The following ODAD2 variants were observed in gnomAD, a reference collection of about 807,000 sequenced individuals.
ODAD2 encodes outer dynein arm-docking complex subunit 2.
Under a neutral mutation model 106.8 loss-of-function variants are expected in ODAD2, and 89 were observed. That is an observed-to-expected ratio of 0.83 (90% CI 0.70 to 0.99). The LOEUF is 0.99. Among genes scored for constraint, ODAD2 ranks in the 50% least tolerant of loss-of-function variants. The pLI, the probability that ODAD2 is intolerant of heterozygous loss-of-function variation, is 0.00. For synonymous variants in ODAD2, 404 were observed against 436.2 expected (o/e 0.93, Z 0.92); for missense variants, 1,168 against 1,238.5 (o/e 0.94, Z 0.85).
chr10:27,955,206 A>G (rs1847636267), intron 10 of ODAD2, among the ~76,000 whole-genome samples: 1 of 152,204 alleles, frequency 6.6e-6, no homozygotes, highest in Non-Finnish European at 1.5e-5. Flanking sequence ...TTTTAACAAG[A>G]ATAACTCTGT....
chr10:27,941,164 G>A (rs904528404), intron 12 of ODAD2, among the ~76,000 whole-genome samples: 1 of 152,044 alleles, frequency 6.6e-6, no homozygotes, highest in South Asian at 2.1e-4. Context: ...TTTCTAAGGA[G>A]AACTGAATGG....
intron 19 of ODAD2, among the ~76,000 whole-genome samples, chr10:27,828,520 G>C (rs1221005024): frequency 1.3e-5 from 2 of 152,170 alleles, no homozygotes; most frequent in Admixed American, 1.3e-4. Flanking sequence ...GTGTGGGACA[G>C]GAAGTTGAGG....
At chr10:27,910,783 C>CA (rs781687456) in intron 16 of ODAD2, among the ~76,000 whole-genome samples, 1 of 151,644 alleles carries the variant, frequency 6.6e-6, no homozygotes, top group African/African-American at 2.4e-5. Flanking sequence ...AACAAACAAA[C>CA]AAAAAAACAG....
At chr10:27,918,810 A>T (rs1844571441) in intron 16 of ODAD2, among the ~76,000 whole-genome samples, 1 of 151,886 alleles carries the variant, frequency 6.6e-6, no homozygotes, top group Non-Finnish European at 1.5e-5. Flanking sequence ...TACAAAAAAA[A>T]TTGGAAAAAA....
chr10:27,911,446 A>C (rs760879162), intron 16 of ODAD2, among the ~76,000 whole-genome samples: 7 of 152,148 alleles, frequency 4.6e-5, no homozygotes, highest in Non-Finnish European at 1.0e-4. Flanking sequence ...ATGAGGACTG[A>C]CTGTATTTTA....
Position 27,860,841 on chromosome 10 carries a change from G to A in ODAD2, c.2805C>T (p.Asn935=). The stretch of plus-strand genomic sequence containing the variant: ...CTGCTAGATGATGTCTCAATTTATT[G>A]TTATTCTGTGCAAGGGAAAATGAAA... The part of the protein sequence containing the change: ...PLLSKLANTN[N]NKLRHHLAEA... Residue 935 remains asparagine, a synonymous_variant, in exon 19 of 20, where the codon AAC becomes AAT. Transcript: ENST00000305242. 9 of 1,613,644 alleles carry A rather than the reference G, an allele frequency of 5.6e-6. No homozygotes were observed. Among genetic ancestry groups the A allele is most frequent in the Non-Finnish European group, 7.6e-6 (9 of 1,179,612 alleles).
chr10:27,819,589 A>AG (rs1040621289), intron 19 of ODAD2, among the ~76,000 whole-genome samples: 1 of 150,918 alleles, frequency 6.6e-6, no homozygotes, highest in African/African-American at 2.4e-5. Flanking sequence ...AAAAAAAAAA[A>AG]AAAAAAAAAA....
At chr10:27,937,087 T>G (rs1846038919) in intron 14 of ODAD2, among the ~76,000 whole-genome samples, 1 of 152,180 alleles carries the variant, frequency 6.6e-6, no homozygotes, top group Non-Finnish European at 1.5e-5. Flanking sequence ...TGGGAATGGA[T>G]AGCAGTTTCT....
intron 19 of ODAD2, among the ~76,000 whole-genome samples, chr10:27,838,133 G>A (rs1304155215): frequency 6.6e-6 from 1 of 152,090 alleles, no homozygotes; most frequent in Non-Finnish European, 1.5e-5. Context: ...AAACTCCAAC[G>A]TACTAATTCA....
At chr10:27,881,476 A>T (rs1386237631) in intron 17 of ODAD2, among the ~76,000 whole-genome samples, 4 of 152,076 alleles carry the variant, frequency 2.6e-5, no homozygotes, top group Non-Finnish European at 5.9e-5. Context: ...ACAAAAAAAA[A>T]AAAATTAAAA....
At position 27,947,446 on chromosome 10, in the gene ODAD2, C is replaced by G. The variant is rs558976728; in HGVS notation, c.1387-2484G>C. 2.6e-5 allele frequency among the ~76,000 whole-genome samples: 4 copies of G among 152,226 alleles called. No individual in the cohort carries two copies. In the East Asian group the frequency reaches 7.7e-4, roughly 29 times the overall value. ...CACTACCACTCTCCAGCATGGGCAA[C>G]AGAGTGAGACCCTGTCTCTAAAATA... On this transcript the variant is annotated intron_variant, in intron 10 of 19. Transcript: ENST00000305242.
chr10:27,822,793 G>GGT (rs1836715322), intron 19 of ODAD2, among the ~76,000 whole-genome samples: 1 of 152,108 alleles, frequency 6.6e-6, no homozygotes, highest in African/African-American at 2.4e-5. Flanking sequence ...CAAGGTGATA[G>GGT]GTGTGTGTGT....
At chr10:27,885,081 G>T (rs1841985097) in intron 17 of ODAD2, among the ~76,000 whole-genome samples, 1 of 151,786 alleles carries the variant, frequency 6.6e-6, no homozygotes, top group Non-Finnish European at 1.5e-5. Context: ...ACTGAAAAAA[G>T]AAAATACATC....
chr10:27,943,367 T>C (rs1846588709), intron 12 of ODAD2, among the ~76,000 whole-genome samples: 1 of 151,616 alleles, frequency 6.6e-6, no homozygotes, highest in Admixed American at 6.6e-5. Flanking sequence ...TGTGTGTTTA[T>C]TTCTAGTGGT....
At chr10:27,853,556 A>G (rs1340670882) in intron 19 of ODAD2, among the ~76,000 whole-genome samples, 1 of 152,170 alleles carries the variant, frequency 6.6e-6, no homozygotes, top group Non-Finnish European at 1.5e-5. Context: ...ATGATTTCAA[A>G]ACAAAGAATA....
At chr10:27,998,209 T>G (rs190305004) in intron 1 of ODAD2, among the ~76,000 whole-genome samples, 458 of 152,298 alleles carry the variant, frequency 3.0e-3, no homozygotes, top group African/African-American at 8.1e-3. Context: ...GCGCATACAC[T>G]GCTTTCTGAG....
chr10:27,849,026 A>G (rs1839032857), intron 19 of ODAD2, among the ~76,000 whole-genome samples: 2 of 152,218 alleles, frequency 1.3e-5, no homozygotes, highest in Admixed American at 6.5e-5. Context: ...TAGAAATACC[A>G]TTTGACCCAG....
chr10:27,838,431 C>A (rs1482047037), intron 19 of ODAD2, among the ~76,000 whole-genome samples: 1 of 152,054 alleles, frequency 6.6e-6, no homozygotes, highest in Admixed American at 6.5e-5. Context: ...AAAGTGAGAA[C>A]AAATAGTTGT....
chr10:27,902,350 G>A (rs1589970524), intron 17 of ODAD2, among the ~76,000 whole-genome samples: 1 of 151,008 alleles, frequency 6.6e-6, no homozygotes, highest in Admixed American at 6.6e-5. Flanking sequence ...CACAAGAAAA[G>A]ATCTAAAATC....
Sources: allele counts gnomAD v4.1 joint callset (sites outside exome capture counted in the v4.1 genomes callset), GRCh38; gene constraint gnomAD v4.1.1; transcripts MANE v1.5; gene names NCBI Gene and HGNC (gene_info 2026-07-23, HGNC 2026-07-21).